ESRRG: variants seen among roughly 807,000 people sequenced by gnomAD.
ESRRG encodes the protein estrogen related receptor gamma.
In ESRRG, 13 loss-of-function variants were observed where a neutral mutation model predicts 44.0. The ratio of observed to expected loss-of-function variants is 0.30; its 90% CI spans 0.19 to 0.47. The LOEUF is 0.47. Ranked by LOEUF, ESRRG falls within the 20% of genes least tolerant of loss-of-function variation. The pLI, the probability that ESRRG is intolerant of heterozygous loss-of-function variation, is 1.00. For synonymous variants in ESRRG, 215 were observed against 214.6 expected, an observed-to-expected ratio of 1.00 and a Z score of -0.02; for missense variants, 395 against 580.6, an observed-to-expected ratio of 0.68 and a Z score of 3.29.
intron 1 of ESRRG, among the ~76,000 whole-genome samples, chr1:216,686,628 A>C (rs1218035268): frequency 6.9e-6 from 1 of 144,432 alleles, no homozygotes; most frequent in Non-Finnish European, 1.5e-5. Context: ...TAAAAAATCA[A>C]CTAAAAAAAA....
intron 1 of ESRRG, among the ~76,000 whole-genome samples, chr1:216,683,859 C>T (rs188432533): frequency 6.6e-6 from 1 of 152,148 alleles, no homozygotes; most frequent in Non-Finnish European, 1.5e-5. Context: ...GTCAACTATC[C>T]TGGTTTTAGT....
intron 5 of ESRRG, among the ~76,000 whole-genome samples, chr1:216,543,157 A>C (rs539173086): frequency 6.6e-6 from 1 of 152,024 alleles, no homozygotes; most frequent in Non-Finnish European, 1.5e-5. Flanking sequence ...TCTTCAAATC[A>C]CTGACAAGAA....
intron 2 of ESRRG, among the ~76,000 whole-genome samples, chr1:216,919,381 TC>T (rs1346406927): frequency 6.6e-6 from 1 of 152,134 alleles, no homozygotes; most frequent in African/African-American, 2.4e-5. Context: ...GAACAGCACT[TC>T]CGGGGTTGAG....
intron 2 of ESRRG, among the ~76,000 whole-genome samples, chr1:216,767,268 A>C (rs11572633): frequency 0.02 from 3,063 of 151,928 alleles, 39 homozygotes; most frequent in Non-Finnish European, 0.028. Context: ...AAGGACAAAA[A>C]ACACACACAC....
intron 1 of ESRRG, among the ~76,000 whole-genome samples, chr1:216,987,531 G>C (rs2075063455): frequency 6.6e-6 from 1 of 152,152 alleles, no homozygotes; most frequent in Non-Finnish European, 1.5e-5. Flanking sequence ...CAAATTTCAG[G>C]GGAAGAAGAC....
intron 2 of ESRRG, among the ~76,000 whole-genome samples, chr1:216,820,511 C>CT (rs1003435891): frequency 3.3e-4 from 50 of 151,360 alleles, no homozygotes; most frequent in African/African-American, 1.2e-3. Context: ...ATGATATCAT[C>CT]TTTTTTTTTC....
intron 1 of ESRRG, chr1:216,707,459 C>T (rs1559337908): frequency 6.5e-7 from 1 of 1,535,296 alleles, no homozygotes; most frequent in Non-Finnish European, 8.7e-7. Context: ...TTCCTAATTA[C>T]ATTCATGATG....
chr1:216,853,329 AT>A (rs2095869092), intron 2 of ESRRG, among the ~76,000 whole-genome samples: 1 of 152,194 alleles, frequency 6.6e-6, no homozygotes. Context: ...TCGCTCTGAA[AT>A]ATCCAGCGTG....
intron 1 of ESRRG, among the ~76,000 whole-genome samples, chr1:217,030,923 G>A (rs1425206180): frequency 6.6e-6 from 1 of 152,198 alleles, no homozygotes; most frequent in African/African-American, 2.4e-5. Flanking sequence ...AGTCAGTAGA[G>A]CATGAGACTT....
At chr1:217,129,865 G>A (rs1483750668) in intron 1 of ESRRG, among the ~76,000 whole-genome samples, 1 of 151,974 alleles carries the variant, frequency 6.6e-6, no homozygotes, top group Non-Finnish European at 1.5e-5. Context: ...TGATAAAAAT[G>A]TTCTGGATTC....
At chr1:216,636,746 G>T (rs1370315948) in intron 3 of ESRRG, among the ~76,000 whole-genome samples, 1 of 152,166 alleles carries the variant, frequency 6.6e-6, no homozygotes, top group Non-Finnish European at 1.5e-5. Flanking sequence ...GTTCCTGAGT[G>T]GCATTAAAAT....
chr1:216,632,001 G>A (rs907629737), intron 3 of ESRRG, among the ~76,000 whole-genome samples: 12 of 152,070 alleles, frequency 7.9e-5, no homozygotes, highest in African/African-American at 1.4e-4. Flanking sequence ...AGGAGGTCCC[G>A]AAGGCTTCTA....
chr1:216,999,179 C>G (rs1470281313), intron 1 of ESRRG, among the ~76,000 whole-genome samples: 3 of 152,230 alleles, frequency 2.0e-5, no homozygotes, highest in Admixed American at 6.5e-5. Flanking sequence ...ATGCCCAGTT[C>G]TTGTGTTAAA....
At chr1:217,038,292 T>C (rs2083270376) in intron 1 of ESRRG, among the ~76,000 whole-genome samples, 1 of 152,234 alleles carries the variant, frequency 6.6e-6, no homozygotes, top group South Asian at 2.1e-4. Context: ...GGTGTTTCCA[T>C]ACCTCCTATG....
intron 1 of ESRRG, among the ~76,000 whole-genome samples, chr1:217,039,630 G>A (rs1053391487): frequency 6.6e-6 from 1 of 152,174 alleles, no homozygotes; most frequent in African/African-American, 2.4e-5. Context: ...TAATATGTGG[G>A]AACCATGGGA....
intron 2 of ESRRG, among the ~76,000 whole-genome samples, chr1:216,909,960 T>C (rs1446820649): frequency 1.3e-5 from 2 of 152,166 alleles, no homozygotes; most frequent in Non-Finnish European, 2.9e-5. Context: ...ACATTGGATG[T>C]AGAGTCATAA....
intron 1 of ESRRG, among the ~76,000 whole-genome samples, chr1:217,106,039 G>T (rs2151576372): frequency 6.6e-6 from 1 of 152,198 alleles, no homozygotes; most frequent in East Asian, 1.9e-4. Context: ...AAACATTAAT[G>T]CAACATCCCA....
intron 2 of ESRRG, 39 bp downstream of exon 2, chr1:216,677,037 G>C: frequency 6.6e-7 from 1 of 1,519,766 alleles, no homozygotes; most frequent in African/African-American, 1.4e-5. Flanking sequence ...ATCATGTGAG[G>C]TTGGAAGTGG....
At chr1:216,590,052 T>C (rs1191181791) in intron 3 of ESRRG, among the ~76,000 whole-genome samples, 1 of 151,788 alleles carries the variant, frequency 6.6e-6, no homozygotes, top group Non-Finnish European at 1.5e-5. Context: ...AAAGTGAGTA[T>C]CTTAAAAATA....
Sources: allele counts gnomAD v4.1 joint callset (sites outside exome capture counted in the v4.1 genomes callset), GRCh38; gene constraint gnomAD v4.1.1; transcripts MANE v1.5; gene names NCBI Gene and HGNC (gene_info 2026-07-23, HGNC 2026-07-21).